Variants in THUMPD3 observed in about 807,000 individuals in gnomAD.
THUMPD3 encodes the protein tRNA (guanine(6)-N(2))-methyltransferase THUMP3.
Under a neutral mutation model 54.5 loss-of-function variants are expected in THUMPD3, and 44 were observed. That is an observed-to-expected ratio of 0.81 (90% CI 0.63 to 1.04). THUMPD3 has a LOEUF of 1.04. THUMPD3 is among the 50% of genes least tolerant of loss of function. The pLI is 0.00. For missense variants in THUMPD3, 604 were observed against 601.3 expected (o/e 1.00, Z -0.05); for synonymous variants, 196 against 201.4 (o/e 0.97, Z 0.23).
chr3:9,374,889 C>T (rs533975895), intron 5 of THUMPD3, among the ~76,000 whole-genome samples: 1 of 152,278 alleles, frequency 6.6e-6, no homozygotes, highest in Admixed American at 6.5e-5. Context: ...GACAAAGTCT[C>T]ACTCTGTCGC....
At position 9,386,068 on chromosome 3, in the gene THUMPD3, T is replaced by A. The variant is rs1157625094; in HGVS notation, c.*1380T>A. ...CTCTTAATACTTTCTGATGTCTCCATTGAGAATAAAAGGACACAATACTTT... is the reference window on the plus strand; with the variant it reads ...CTCTTAATACTTTCTGATGTCTCCAATGAGAATAAAAGGACACAATACTTT... On this transcript the variant is annotated 3_prime_UTR_variant, in exon 10 of 10. Transcript: ENST00000452837. 1 of 152,196 alleles carries A rather than the reference T, an allele frequency of 6.6e-6. No individual in the cohort carries two copies. Among genetic ancestry groups the A allele is most frequent in the South Asian group, 2.1e-4 (1 of 4,834 alleles). The allele number at this position is 152,196 out of a possible 1,614,324, so 9.4% of individuals were successfully genotyped here.
Position 9,371,541 on chromosome 3 carries a change from G to C in THUMPD3, c.807+5G>C. On this transcript the variant is annotated splice_donor_5th_base_variant and intron_variant, in intron 4 of 9. Coordinates refer to ENST00000452837, the MANE Select transcript of THUMPD3 (RefSeq NM_001114092.2). ...ATGACCAACTTTGATGTGGAGGTAG[G>C]TATAGGCTCTGACTGTGGTGATTGA... 6.2e-7 allele frequency: 1 copy of C among 1,603,712 alleles called. No homozygotes were observed. The highest frequency in any genetic ancestry group is 1.1e-5 in the South Asian group (1 of 89,978).
chr3:9,382,785 G>A (rs576535185), intron 7 of THUMPD3: 87 of 153,518 alleles, frequency 5.7e-4, no homozygotes, highest in African/African-American at 1.9e-3. Flanking sequence ...GGAGTAAAGC[G>A]GCACAATCCT....
intron 3 of THUMPD3, among the ~76,000 whole-genome samples, chr3:9,368,020 AC>A (rs1199760154): frequency 1.3e-5 from 2 of 152,124 alleles, no homozygotes; most frequent in African/African-American, 4.8e-5. Context: ...AGCAGAGATC[AC>A]ACCACTGCAC....
In THUMPD3 at chr3:9,384,211, G is replaced by C; in HGVS notation, c.1236-1G>C. On this transcript the variant is annotated splice_acceptor_variant, in intron 8 of 9. Transcript: ENST00000452837. LOFTEE classifies it high-confidence loss of function. Reference sequence around the variant, plus strand: ...TTGACTCATGAGACCTTCTATTATAGGATGGGATCCAAGAAGAGAAACTGG... The same window carrying C: ...TTGACTCATGAGACCTTCTATTATACGATGGGATCCAAGAAGAGAAACTGG... 6.2e-7 allele frequency: 1 copy of C among 1,613,692 alleles called. No homozygotes were observed. The highest frequency in any genetic ancestry group is 8.5e-7 in the Non-Finnish European group (1 of 1,179,886).
intron 6 of THUMPD3, 67 bp from the exon 7 acceptor site, chr3:9,380,436 T>C: frequency 1.8e-6 from 2 of 1,091,592 alleles, no homozygotes; most frequent in Non-Finnish European, 2.7e-6. Context: ...TTTTCTTTGT[T>C]TGTTGACAAT....
At chr3:9,383,753 A>G (rs1401244853) in intron 8 of THUMPD3, among the ~76,000 whole-genome samples, 3 of 151,902 alleles carry the variant, frequency 2.0e-5, no homozygotes, top group African/African-American at 7.3e-5. Flanking sequence ...CCTCCTGAGT[A>G]GCTCGGATTT....
rs2032805513 is a variant in THUMPD3, at chr3:9,380,565, T to C, written c.1071T>C (p.Asn357=). The C allele has an allele frequency of 2.5e-6, 4 of 1,613,752 alleles. No homozygotes were observed. The highest frequency in any genetic ancestry group is 1.7e-5 in the Admixed American group (1 of 59,980). The part of the protein sequence containing the change: ...IAGDNNPLAV[N]RAANNIASLL... ...GTGATAATAATCCACTGGCTGTGAA[T>C]AGAGCAGCAAATAACATTGCATCTT... The change falls in exon 7 of 10, where the codon AAT becomes AAC. Residue 357 remains asparagine (N), a synonymous_variant. Coordinates refer to ENST00000452837, the MANE Select transcript of THUMPD3 (RefSeq NM_001114092.2).
In THUMPD3 at chr3:9,367,989, C is replaced by T. The variant is rs189689180; in HGVS notation, c.330+1004C>T. On this transcript the variant is annotated intron_variant, in intron 3 of 9. Coordinates refer to ENST00000452837, the MANE Select transcript of THUMPD3 (RefSeq NM_001114092.2). ...CTGAGGCAGGAGAATGGCGTGAACC[C>T]GGGAGGCGGAGCTGGCAGTGAGCAG... 4.6e-3 allele frequency among the ~76,000 whole-genome samples: 704 copies of T among 151,976 alleles called. 8 individuals carry two copies. The highest frequency in any genetic ancestry group is 0.028 in the East Asian group (146 of 5,158).
intron 3 of THUMPD3, among the ~76,000 whole-genome samples, chr3:9,369,727 A>C (rs886799926): frequency 6.6e-6 from 1 of 152,246 alleles, no homozygotes; most frequent in African/African-American, 2.4e-5. Flanking sequence ...ACAGTGGTGC[A>C]ACAAATACAC....
chr3:9,377,708 G>C, intron 5 of THUMPD3, 111 bp from the exon 6 acceptor site: 1 of 772,898 alleles, frequency 1.3e-6, no homozygotes. Context: ...GTAGATTGGT[G>C]TTCCTTCGGG....
chr3:9,378,088 A>G (rs1268564701), intron 6 of THUMPD3, among the ~76,000 whole-genome samples, 200 bp downstream of exon 6: 3 of 152,232 alleles, frequency 2.0e-5, no homozygotes, highest in Non-Finnish European at 4.4e-5. Context: ...ACTGGCCTAG[A>G]TACATTGTTA....
chr3:9,376,658 A>G (rs966265743), intron 5 of THUMPD3, among the ~76,000 whole-genome samples: 1 of 152,222 alleles, frequency 6.6e-6, no homozygotes, highest in Non-Finnish European at 1.5e-5. Flanking sequence ...TGAGGGAGAT[A>G]AATAGTTATC....
In THUMPD3 at chr3:9,386,642, A is replaced by G. The variant is rs944119812; in HGVS notation, c.*1954A>G. On this transcript the variant is annotated 3_prime_UTR_variant, in exon 10 of 10. Coordinates refer to ENST00000452837, the MANE Select transcript of THUMPD3 (RefSeq NM_001114092.2). ...TGGTGACTAGAATAGGCAGTGGGCT[A>G]TAAGCAGGATTCATAAGGCCTGGAG... 6.6e-6 allele frequency: 1 copy of G among 152,104 alleles called. No individual in the cohort carries two copies. Among genetic ancestry groups the G allele is most frequent in the African/African-American group, 2.4e-5 (1 of 41,412 alleles). 9.4% of individuals were successfully genotyped at this position (152,104 alleles called of 1,614,324 possible). A position where few individuals can be genotyped will look rare whatever the true frequency, so the allele number is the denominator to read the frequency against.
Position 9,386,019 on chromosome 3 carries a change from C to G in THUMPD3, c.*1331C>G, listed in dbSNP as rs2033307583. 6.6e-6 allele frequency: 1 copy of G among 152,046 alleles called. No homozygotes were observed. The highest frequency in any genetic ancestry group is 1.5e-5 in the Non-Finnish European group (1 of 68,016). The allele number at this position is 152,046 out of a possible 1,614,324, so 9.4% of individuals were successfully genotyped here. A position where few individuals can be genotyped will look rare whatever the true frequency, so the allele number is the denominator to read the frequency against. ...TGCAATCAGTATAGATTTTCAGTAT[C>G]CTATTAGTATTATAATAGTACTCCT... On this transcript the variant is annotated 3_prime_UTR_variant, in exon 10 of 10. Transcript: ENST00000452837.
At chr3:9,369,625 G>A (rs151113723) in intron 3 of THUMPD3, among the ~76,000 whole-genome samples, 94 of 152,276 alleles carry the variant, frequency 6.2e-4, no homozygotes, top group Admixed American at 1.2e-3. Flanking sequence ...ATCATTGCTG[G>A]AATTGGCTGC....
chr3:9,376,454 A>T (rs568120061), intron 5 of THUMPD3, among the ~76,000 whole-genome samples: 1 of 152,286 alleles, frequency 6.6e-6, no homozygotes, highest in East Asian at 1.9e-4. Context: ...CCTGGAAGAG[A>T]GGATCTGATG....
rs1387104701 is a variant in THUMPD3, at chr3:9,374,546, A to C, written c.838A>C (p.Ile280Leu). The change falls in exon 5 of 10, where the codon ATT becomes CTT. Residue 280 changes from isoleucine to leucine, a missense_variant. Ile to Leu is a conservative substitution (Grantham distance 5). Coordinates refer to ENST00000452837, the MANE Select transcript of THUMPD3 (RefSeq NM_001114092.2). ...TTTGAACATCCATGATAATGAAGTC[A>C]TTGTGGGCATTGCATTGACTGAAGA... is the stretch of plus-strand genomic sequence containing the variant. ...VLLNIHDNEV[I>L]VGIALTEESL... 6.2e-7 allele frequency: 1 copy of C among 1,614,096 alleles called. No homozygotes were observed. The highest frequency in any genetic ancestry group is 8.5e-7 in the Non-Finnish European group (1 of 1,179,972).
chr3:9,375,409 A>C (rs556271360), intron 5 of THUMPD3, among the ~76,000 whole-genome samples: 41 of 152,314 alleles, frequency 2.7e-4, no homozygotes, highest in Admixed American at 1.8e-3. Context: ...TTTGCTTTTC[A>C]GAGTACACGA....
Sources: allele counts gnomAD v4.1 joint callset (sites outside exome capture counted in the v4.1 genomes callset), GRCh38; gene constraint gnomAD v4.1.1; transcripts MANE v1.5; gene names NCBI Gene and HGNC (gene_info 2026-07-23, HGNC 2026-07-21).